ANKRD11: variants seen among roughly 807,000 people sequenced by gnomAD.
ANKRD11 encodes the protein ankyrin repeat domain 11.
Under a neutral mutation model 195.7 loss-of-function variants are expected in ANKRD11, and 17 were observed. The observed-to-expected ratio is 0.09, with a 90% CI of 0.06 to 0.13. ANKRD11 has a LOEUF of 0.13. Ranked by LOEUF, ANKRD11 falls within the 10% of genes least tolerant of loss-of-function variation. The pLI, the probability that ANKRD11 is intolerant of heterozygous loss-of-function variation, is 1.00. For synonymous variants in ANKRD11, 1,953 were observed against 1,528.1 expected, an observed-to-expected ratio of 1.28 and a Z score of -6.49; for missense variants, 3,735 against 3,566.1, an observed-to-expected ratio of 1.05 and a Z score of -1.21.
chr16:89,290,520 G>C (rs866492296), intron 6 of ANKRD11, 105 bp downstream of exon 6: 1 of 798,406 alleles, frequency 1.3e-6, no homozygotes, highest in Non-Finnish European at 1.9e-6. Flanking sequence ...GGGCTCCAAT[G>C]GGGGGAGGCT....
In ANKRD11 at chr16:89,322,504, G is replaced by A. The variant is rs541497721; in HGVS notation, c.-59-5426C>T. Among the ~76,000 whole-genome samples, 474 of 152,366 alleles carry A rather than the reference G, an allele frequency of 3.1e-3. 1 individual carries two copies. The highest frequency in any genetic ancestry group is 0.011 in the African/African-American group (457 of 41,576). On this transcript the variant is annotated intron_variant, in intron 2 of 12. Transcript: ENST00000301030. ...CTCACGCAGGCACGTGGCCTCAGAG[G>A]CCCAGGAGGAGGAAGACAGGAAGTC...
intron 1 of ANKRD11, among the ~76,000 whole-genome samples, chr16:89,465,074 T>C (rs1015009854): frequency 3.9e-5 from 6 of 152,240 alleles, no homozygotes; most frequent in African/African-American, 1.2e-4. Flanking sequence ...ATTTCAGTGT[T>C]AGTAATAGTT....
At position 89,429,761 on chromosome 16, in the gene ANKRD11, ACT is replaced by A. The variant is rs756812430; in HGVS notation, c.-144-11395_-144-11394del. On this transcript the variant is annotated intron_variant, in intron 1 of 12. Coordinates refer to ENST00000301030, the MANE Select transcript of ANKRD11 (RefSeq NM_013275.6). ...TCAGTCGTTCTAGTACACAGCAGGG[ACT>A]CTCAACTCTCACGCTCAGTCGTTCT... is the stretch of plus-strand genomic sequence containing the variant. Among the ~76,000 whole-genome samples, 78 of 60,506 alleles carry A rather than the reference ACT, an allele frequency of 1.3e-3. 11 individuals carry two copies. Among genetic ancestry groups the A allele is most frequent in the Non-Finnish European group, 1.7e-3 (50 of 29,806 alleles). 39.7% of individuals were successfully genotyped at this position (60,506 alleles called of 152,430 possible).
At chr16:89,274,242 A>G (rs2033440408) in intron 11 of ANKRD11, among the ~76,000 whole-genome samples, 1 of 152,154 alleles carries the variant, frequency 6.6e-6, no homozygotes, top group Admixed American at 6.5e-5. Flanking sequence ...CGGGAGCTGC[A>G]GGGGTGGGCG....
In ANKRD11 at chr16:89,274,975, T is replaced by C. The variant is rs1417051625; in HGVS notation, c.7570-18A>G. The C allele has an allele frequency of 6.2e-7, 1 of 1,612,302 alleles. No individual in the cohort carries two copies. Among genetic ancestry groups the C allele is most frequent in the Non-Finnish European group, 8.5e-7 (1 of 1,179,820 alleles). On this transcript the variant is annotated intron_variant, in intron 10 of 12. Transcript: ENST00000301030. ...AGCTTCTCCTGAAGGAGGAGAGGAGTAGAGTGAGCTGGGACACAGCCACGC... is the reference window on the plus strand; with the variant it reads ...AGCTTCTCCTGAAGGAGGAGAGGAGCAGAGTGAGCTGGGACACAGCCACGC...
intron 1 of ANKRD11, among the ~76,000 whole-genome samples, chr16:89,483,814 C>CAA (rs1379249025): frequency 6.2e-5 from 5 of 80,862 alleles, no homozygotes; most frequent in Non-Finnish European, 7.8e-5. Flanking sequence ...AACTCCATCT[C>CAA]AAAAAAAAAA....
intron 1 of ANKRD11, among the ~76,000 whole-genome samples, chr16:89,432,966 CT>C (rs2043053135): frequency 6.7e-6 from 1 of 148,834 alleles, no homozygotes; most frequent in African/African-American, 2.6e-5. Flanking sequence ...CTCTCTCTCT[CT>C]CTCTCTCTCT....
chr16:89,299,783 G>T, intron 4 of ANKRD11: 1 of 186,498 alleles, frequency 5.4e-6, no homozygotes, highest in Non-Finnish European at 1.0e-5. Flanking sequence ...GGTGCGTGGG[G>T]TCTGTGCCCT....
At chr16:89,326,443 C>A (rs2037725406) in intron 2 of ANKRD11, among the ~76,000 whole-genome samples, 3 of 151,702 alleles carry the variant, frequency 2.0e-5, no homozygotes, top group East Asian at 1.9e-4. Context: ...GCTCAATCTA[C>A]CCCCAAATTA....
At chr16:89,306,348 CACCT>C (rs751624293) in intron 3 of ANKRD11, among the ~76,000 whole-genome samples, 9 of 76,702 alleles carry the variant, frequency 1.2e-4, no homozygotes, top group South Asian at 6.1e-4. Context: ...AGACACGCGC[CACCT>C]ACCTCCCACT....
At chr16:89,307,343 T>G (rs549922693) in intron 3 of ANKRD11, among the ~76,000 whole-genome samples, 37 of 152,306 alleles carry the variant, frequency 2.4e-4, no homozygotes, top group Admixed American at 7.8e-4. Flanking sequence ...CCACCAAACG[T>G]GCATCCACCC....
At chr16:89,372,880 C>T (rs1215003297) in intron 2 of ANKRD11, 8 of 152,204 alleles carry the variant, frequency 5.3e-5, no homozygotes, top group Non-Finnish European at 8.8e-5. Context: ...CAGTGGTCCC[C>T]GTTTACGGAC....
In ANKRD11 at chr16:89,282,058, T is replaced by C; in HGVS notation, c.4484A>G (p.His1495Arg). 6.2e-7 allele frequency: 1 copy of C among 1,612,210 alleles called. No individual in the cohort carries two copies. The highest frequency in any genetic ancestry group is 8.5e-7 in the Non-Finnish European group (1 of 1,179,052). Residue 1495 changes from histidine (H) to arginine (R), a missense_variant, in exon 9 of 13, where the codon CAT becomes CGT. Transcript: ENST00000301030. Reference sequence around the variant, plus strand: ...GGCGGGCTTCTGCTCGTCCCTGTGATGCCGCAGGAGCTCGTCCCTGTGATG... The same window carrying C: ...GGCGGGCTTCTGCTCGTCCCTGTGACGCCGCAGGAGCTCGTCCCTGTGATG... ...LRHHRDELLR[H>R]HRDEQKPATR...
At position 89,283,697 on chromosome 16, in the gene ANKRD11, G is replaced by A. The variant is rs368593056; in HGVS notation, c.2845C>T (p.Arg949Trp). The A allele has an allele frequency of 1.6e-5, 26 of 1,613,084 alleles. No homozygotes were observed. The highest frequency in any genetic ancestry group is 9.3e-5 in the African/African-American group (7 of 74,918). Residue 949 changes from arginine to tryptophan, a missense_variant, in exon 9 of 13, where the codon CGG becomes TGG. Transcript: ENST00000301030. This position sits in a 1 kb window ranked among gnomAD's most constrained non-coding sequence, Gnocchi z 4.3. ...KKRRESAEAGRDRKDALESCK... is the reference protein window; with the variant it reads ...KKRRESAEAGWDRKDALESCK... ...CTCTCCAGGGCGTCCTTTCTGTCCC[G>A]CCCGGCCTCTGCGGACTCTCTCCTC... is the stretch of plus-strand genomic sequence containing the variant.
Position 89,281,602 on chromosome 16 carries a change from G to A in ANKRD11, c.4940C>T (p.Pro1647Leu), listed in dbSNP as rs185178673. 1.9e-6 allele frequency: 3 copies of A among 1,614,182 alleles called. No individual in the cohort carries two copies. Among genetic ancestry groups the A allele is most frequent in the South Asian group, 1.1e-5 (1 of 91,086 alleles). Residue 1647 changes from proline to leucine, a missense_variant, in exon 9 of 13, where the codon CCT becomes CTT. Pro to Leu is a moderately conservative substitution (Grantham distance 98). Coordinates refer to ENST00000301030, the MANE Select transcript of ANKRD11 (RefSeq NM_013275.6). This position sits in a 1 kb window ranked among gnomAD's most constrained non-coding sequence, Gnocchi z 5.5. The part of the protein sequence containing the change: ...IPAKKPPGLD[P>L]PFKDKKLKES... ...TTTGAGCTTTTTGTCTTTAAATGGA[G>A]GGTCCAGCCCCGGCGGTTTCTTAGC... is the stretch of plus-strand genomic sequence containing the variant.
At chr16:89,270,665 G>A (rs759242380) in intron 12 of ANKRD11, 152 bp downstream of exon 12, 9 of 779,488 alleles carry the variant, frequency 1.2e-5, no homozygotes, top group Admixed American at 4.1e-5. Flanking sequence ...CGAAAGCATC[G>A]GCCAGATTAA....
intron 11 of ANKRD11, among the ~76,000 whole-genome samples, chr16:89,273,760 C>A (rs1034576155): frequency 1.3e-5 from 2 of 152,138 alleles, no homozygotes; most frequent in African/African-American, 4.8e-5. Flanking sequence ...AATACATCCC[C>A]AAAGAAAGGA....
chr16:89,446,590 C>T (rs530673444), intron 1 of ANKRD11, among the ~76,000 whole-genome samples: 1 of 152,016 alleles, frequency 6.6e-6, no homozygotes, highest in Non-Finnish European at 1.5e-5. Context: ...GGTGACAGAG[C>T]GAGCCCCCGT....
At chr16:89,440,647 G>A (rs1471514846) in intron 1 of ANKRD11, among the ~76,000 whole-genome samples, 1 of 152,070 alleles carries the variant, frequency 6.6e-6, no homozygotes, top group Non-Finnish European at 1.5e-5. Context: ...AGAGGGAAAG[G>A]AAGAAAGCAT....
Sources: gnomAD v4.1 joint callset for allele counts (sites outside exome capture counted in the v4.1 genomes callset) on GRCh38, gnomAD v4.1.1 for gene constraint, Gnocchi (gnomAD v3.1) non-coding constraint, MANE v1.5 for transcripts, NCBI Gene and HGNC (gene_info 2026-07-23, HGNC 2026-07-21) for gene names.